Variants in SPEF2 observed in about 807,000 individuals in gnomAD.
SPEF2 encodes sperm flagellar and cilia associated 2, also known as sperm flagella and cilia-associated protein 2.
In SPEF2, 187 loss-of-function variants were observed where a neutral mutation model predicts 224.6. That is an observed-to-expected ratio of 0.83 (90% CI 0.74 to 0.94). The LOEUF (loss-of-function observed/expected upper bound fraction) is 0.94, where lower values mean the gene tolerates loss of function less well. Among genes scored for constraint, SPEF2 ranks in the 40% least tolerant of loss-of-function variants. The pLI, the probability that SPEF2 is intolerant of heterozygous loss-of-function variation, is 0.00. For missense variants in SPEF2, 2,170 were observed against 2,135.6 expected (o/e 1.02, Z -0.32); for synonymous variants, 715 against 707.3 (o/e 1.01, Z -0.17).
At chr5:35,635,580 G>T (rs1363907662) in intron 2 of SPEF2, among the ~76,000 whole-genome samples, 1 of 152,070 alleles carries the variant, frequency 6.6e-6, no homozygotes, top group Non-Finnish European at 1.5e-5. Context: ...CACCAAAAAC[G>T]TCAAATCCTA....
At chr5:35,670,765 G>A in intron 10 of SPEF2, 1 of 985,006 alleles carries the variant, frequency 1.0e-6, no homozygotes, top group Non-Finnish European at 1.2e-6. Context: ...AGACAGACTA[G>A]AGCTACATTA....
At chr5:35,724,017 A>G (rs965046759) in intron 20 of SPEF2, among the ~76,000 whole-genome samples, 17 of 152,214 alleles carry the variant, frequency 1.1e-4, no homozygotes, top group Non-Finnish European at 2.2e-4. Context: ...CCTCTTATAA[A>G]GTACCTTTTA....
At chr5:35,619,054 T>A in intron 1 of SPEF2, among the ~76,000 whole-genome samples, 1 of 152,188 alleles carries the variant, frequency 6.6e-6, no homozygotes, top group South Asian at 2.1e-4. Flanking sequence ...TAGTTATTAA[T>A]ACTCTCAGCA....
intron 10 of SPEF2, among the ~76,000 whole-genome samples, chr5:35,683,514 A>G (rs1238634235): frequency 1.3e-5 from 2 of 152,196 alleles, no homozygotes; most frequent in Non-Finnish European, 2.9e-5. Flanking sequence ...AATCCCTGCT[A>G]CTTGGGAGGG....
chr5:35,773,369 G>A (rs1561341884), intron 27 of SPEF2, among the ~76,000 whole-genome samples: 3 of 152,144 alleles, frequency 2.0e-5, no homozygotes, highest in Non-Finnish European at 4.4e-5. Context: ...GACAGAGCAA[G>A]ACTGTCTCAA....
chr5:35,621,170 A>G (rs1261844497), intron 1 of SPEF2, among the ~76,000 whole-genome samples: 1 of 152,228 alleles, frequency 6.6e-6, no homozygotes, highest in East Asian at 1.9e-4. Flanking sequence ...AAATATCGTA[A>G]GCATATTATA....
At chr5:35,688,789 A>G (rs1241025510) in intron 10 of SPEF2, among the ~76,000 whole-genome samples, 1 of 152,184 alleles carries the variant, frequency 6.6e-6, no homozygotes, top group African/African-American at 2.4e-5. Flanking sequence ...CTTGTGTAAG[A>G]GTTGTGTGAG....
Position 35,700,488 on chromosome 5 carries a change from C to G in SPEF2, c.2142-8C>G. On this transcript the variant is annotated splice_region_variant and splice_polypyrimidine_tract_variant and intron_variant, in intron 15 of 36. Coordinates refer to ENST00000356031, the MANE Select transcript of SPEF2 (RefSeq NM_024867.4). ...AAAATATTCATGAGTTGTCCTGTTT[C>G]AATTTAGTGAGATACCTGTGAATCA... 2 of 1,605,252 alleles carry G rather than the reference C, an allele frequency of 1.2e-6. No homozygotes were observed. The highest frequency in any genetic ancestry group is 1.7e-6 in the Non-Finnish European group (2 of 1,175,584).
At chr5:35,652,892 G>A (rs190825876) in intron 6 of SPEF2, among the ~76,000 whole-genome samples, 172 of 151,776 alleles carry the variant, frequency 1.1e-3, no homozygotes, top group African/African-American at 4.0e-3. Flanking sequence ...CTTATTTTTT[G>A]AATAATAAGA....
In SPEF2 at chr5:35,776,131, T is replaced by G. The variant is rs899366817; in HGVS notation, c.4079-126T>G. 4 of 840,938 alleles carry G rather than the reference T, an allele frequency of 4.8e-6. No individual in the cohort carries two copies. In the Admixed American group the frequency reaches 9.5e-5, roughly 20 times the overall value. The allele number at this position is 840,938 out of a possible 1,614,324, so 52.1% of individuals were successfully genotyped here. ...GAGATGGATATCATCTTATCTATTC[T>G]GGTATATTAAACGTGCACCTAAAGC... On this transcript the variant is annotated intron_variant, in intron 28 of 36. Coordinates refer to ENST00000356031, the MANE Select transcript of SPEF2 (RefSeq NM_024867.4).
intron 10 of SPEF2, among the ~76,000 whole-genome samples, chr5:35,678,100 T>G (rs985883700): frequency 2.0e-5 from 3 of 152,288 alleles, no homozygotes; most frequent in Admixed American, 6.5e-5. Context: ...AAGCATAAGG[T>G]AGATGCAGTC....
chr5:35,708,558 T>G (rs1740295834), intron 18 of SPEF2, among the ~76,000 whole-genome samples: 1 of 560 alleles, frequency 1.8e-3, no homozygotes, highest in Non-Finnish European at 3.3e-3. Flanking sequence ...ACTCCTACCA[T>G]CACCACTACC....
intron 1 of SPEF2, among the ~76,000 whole-genome samples, chr5:35,623,633 T>G (rs1743820611): frequency 6.6e-6 from 1 of 152,216 alleles, no homozygotes; most frequent in African/African-American, 2.4e-5. Flanking sequence ...GTACAGGTGC[T>G]TCCCCAGACC....
chr5:35,734,641 C>T (rs11951270), intron 21 of SPEF2, among the ~76,000 whole-genome samples: 5,514 of 151,774 alleles, frequency 0.036, 297 homozygotes, highest in African/African-American at 0.12. Context: ...CCTTTCCTGA[C>T]CATGCTAAAC....
chr5:35,751,096 CATAT>C (rs376188111), intron 23 of SPEF2, among the ~76,000 whole-genome samples: 1,864 of 30,632 alleles, frequency 0.061, 295 homozygotes, highest in South Asian at 0.32. Flanking sequence ...CACACACACA[CATAT>C]ATATATATAT....
chr5:35,756,247 G>T (rs75240999), intron 24 of SPEF2, among the ~76,000 whole-genome samples: 1 of 152,018 alleles, frequency 6.6e-6, no homozygotes, highest in Non-Finnish European at 1.5e-5. Flanking sequence ...AGCCAATTTC[G>T]TTATCAGACG....
chr5:35,752,135 G>A (rs1399510469), intron 23 of SPEF2, among the ~76,000 whole-genome samples: 2 of 151,982 alleles, frequency 1.3e-5, no homozygotes, highest in East Asian at 1.9e-4. Context: ...GGTGGAGATC[G>A]GGGAGTAATG....
chr5:35,646,733 C>G lies in SPEF2; in HGVS notation c.652C>G (p.Pro218Ala). ...AATCCAAGCAGCTATTATACAGATT[C>G]CTAAACCTGCATCAAATCGTACTTT... ...AKIQAAIIQIPKPASNRTLKA... is the reference protein window; with the variant it reads ...AKIQAAIIQIAKPASNRTLKA... The change falls in exon 5 of 37, where the codon CCT (proline) becomes GCT (alanine). Residue 218 changes from proline to alanine, a missense_variant. Physicochemically the swap from Pro to Ala is conservative, Grantham distance 27. Coordinates refer to ENST00000356031, the MANE Select transcript of SPEF2 (RefSeq NM_024867.4). 1 of 1,613,868 alleles carries G rather than the reference C, an allele frequency of 6.2e-7. No individual in the cohort carries two copies. The highest frequency in any genetic ancestry group is 8.5e-7 in the Non-Finnish European group (1 of 1,179,906).
intron 36 of SPEF2, chr5:35,807,526 T>C (rs1473152452): frequency 1.9e-6 from 2 of 1,056,382 alleles, no homozygotes; most frequent in African/African-American, 1.6e-5. Flanking sequence ...GTAATGACCC[T>C]AGCCTGTGAT....
Sources: gnomAD v4.1 joint callset for allele counts (sites outside exome capture counted in the v4.1 genomes callset) on GRCh38, gnomAD v4.1.1 for gene constraint, MANE v1.5 for transcripts, NCBI Gene and HGNC (gene_info 2026-07-23, HGNC 2026-07-21) for gene names.